The following CDC14A variants were observed in gnomAD, a reference collection of about 807,000 sequenced individuals.
The protein encoded by CDC14A is dual specificity protein phosphatase CDC14A.
Under a neutral mutation model 74.4 loss-of-function variants are expected in CDC14A, and 53 were observed. The ratio of observed to expected loss-of-function variants is 0.71; its 90% CI spans 0.57 to 0.89. CDC14A has a LOEUF of 0.89. CDC14A is among the 40% of genes least tolerant of loss of function. The pLI is 0.00. For synonymous variants in CDC14A, 247 were observed against 258.4 expected (o/e 0.96, Z 0.43); for missense variants, 646 against 713.7 (o/e 0.91, Z 1.08).
At chr1:100,429,539 C>A (rs1236747729) in intron 5 of CDC14A, among the ~76,000 whole-genome samples, 1 of 151,478 alleles carries the variant, frequency 6.6e-6, no homozygotes, top group African/African-American at 2.4e-5. Context: ...TAAAAAACTA[C>A]TGATCCCTAG....
chr1:100,484,130 A>C (rs1472497984), intron 10 of CDC14A, among the ~76,000 whole-genome samples, 162 bp from the exon 11 acceptor site: 2 of 152,106 alleles, frequency 1.3e-5, no homozygotes, highest in Non-Finnish European at 2.9e-5. Flanking sequence ...AAGTGACTTC[A>C]TTGTTCTTTA....
chr1:100,456,524 G>C (rs890756517), intron 8 of CDC14A, among the ~76,000 whole-genome samples: 3 of 150,536 alleles, frequency 2.0e-5, no homozygotes, highest in South Asian at 2.1e-4. Context: ...TTATTCTTCA[G>C]CTGGGCATGG....
At chr1:100,404,451 T>G (rs944861463) in intron 4 of CDC14A, among the ~76,000 whole-genome samples, 1 of 152,196 alleles carries the variant, frequency 6.6e-6, no homozygotes, top group African/African-American at 2.4e-5. Context: ...GGGCTTTGAA[T>G]TTTCATTATG....
Position 100,499,162 on chromosome 1 carries a change from G to A in CDC14A, c.1655G>A (p.Gly552Asp), listed in dbSNP as rs138365815. The A allele has an allele frequency of 4.3e-6, 7 of 1,614,076 alleles. No homozygotes were observed. Among genetic ancestry groups the A allele is most frequent in the East Asian group, 2.2e-5 (1 of 44,884 alleles). The change falls in exon 15 of 16, where the codon GGC (glycine) becomes GAC (aspartate). Residue 552 changes from glycine (G) to aspartate (D), a missense_variant. Transcript: ENST00000336454. ...SNGGNLNSPP[G>D]PHSAKTEEHT... is the part of the protein sequence containing the mutation. Reference sequence around the variant, plus strand: ...GGGGGCAACCTGAACAGCCCCCCAGGCCCCCACAGCGCCAAGACAGAGGAG... The same window carrying A: ...GGGGGCAACCTGAACAGCCCCCCAGACCCCCACAGCGCCAAGACAGAGGAG...
chr1:100,446,648 A>AT (rs57522935), intron 7 of CDC14A, among the ~76,000 whole-genome samples: 2 of 152,064 alleles, frequency 1.3e-5, no homozygotes, highest in Admixed American at 6.6e-5. Flanking sequence ...TGTATTTTGC[A>AT]TTTTTTTTTG....
intron 4 of CDC14A, chr1:100,393,256 T>C (rs1657958686): frequency 1.4e-6 from 2 of 1,445,502 alleles, no homozygotes; most frequent in Non-Finnish European, 1.9e-6. Flanking sequence ...TGAAGTTCTT[T>C]CTGTGCATGT....
At chr1:100,379,723 C>T (rs537355798) in intron 3 of CDC14A, among the ~76,000 whole-genome samples, 7 of 152,316 alleles carry the variant, frequency 4.6e-5, no homozygotes, top group African/African-American at 1.7e-4. Context: ...TTATATAGCT[C>T]ATGGTTCCAC....
At position 100,445,851 on chromosome 1, in the gene CDC14A, A is replaced by G. The variant is rs189727342; in HGVS notation, c.519+2855A>G. Among the ~76,000 whole-genome samples the G allele has an allele frequency of 1.2e-3, 189 of 152,330 alleles. 1 individual carries two copies. Among genetic ancestry groups the G allele is most frequent in the Non-Finnish European group, 2.2e-3 (153 of 68,024 alleles). On this transcript the variant is annotated intron_variant, in intron 7 of 15. Coordinates refer to ENST00000336454, the MANE Select transcript of CDC14A (RefSeq NM_003672.4). The stretch of plus-strand genomic sequence containing the variant: ...GTCAAACAACTTCTTTTTTTTGAGA[A>G]TGATTTATCTGTTCTATTATAAAGC...
chr1:100,495,942 T>C, intron 12 of CDC14A, 60 bp from the exon 13 acceptor site: 2 of 1,367,338 alleles, frequency 1.5e-6, no homozygotes, highest in South Asian at 2.3e-5. Context: ...ATGTGCCTTG[T>C]GGTCTTTGTG....
chr1:100,430,615 A>C (rs2101097829), intron 5 of CDC14A, among the ~76,000 whole-genome samples: 1 of 152,350 alleles, frequency 6.6e-6, no homozygotes, highest in South Asian at 2.1e-4. Flanking sequence ...ACTTGGCATC[A>C]GGCTGCCTTC....
intron 2 of CDC14A, among the ~76,000 whole-genome samples, chr1:100,377,330 G>T (rs985632522): frequency 6.6e-6 from 1 of 152,102 alleles, no homozygotes; most frequent in African/African-American, 2.4e-5. Flanking sequence ...ATAAGCCACC[G>T]CGCCCGGCCA....
At chr1:100,423,184 GC>G (rs896649433) in intron 4 of CDC14A, among the ~76,000 whole-genome samples, 2 of 151,946 alleles carry the variant, frequency 1.3e-5, no homozygotes, top group African/African-American at 4.8e-5. Flanking sequence ...GCTTTCTCCC[GC>G]CCCCTGTCCT....
At chr1:100,497,749 T>G (rs955125082) in intron 13 of CDC14A, among the ~76,000 whole-genome samples, 17 of 152,218 alleles carry the variant, frequency 1.1e-4, no homozygotes, top group African/African-American at 4.1e-4. Flanking sequence ...CTTTGACTCC[T>G]GGGTTTGAAT....
At chr1:100,463,845 G>C (rs765115282) in intron 9 of CDC14A, among the ~76,000 whole-genome samples, 1 of 152,104 alleles carries the variant, frequency 6.6e-6, no homozygotes, top group African/African-American at 2.4e-5. Flanking sequence ...AATCACTAGG[G>C]CCGCCCTGGG....
chr1:100,494,636 T>A (rs866696557), intron 11 of CDC14A, among the ~76,000 whole-genome samples, 182 bp from the exon 12 acceptor site: 25 of 152,234 alleles, frequency 1.6e-4, no homozygotes, highest in African/African-American at 5.5e-4. Flanking sequence ...TGTTGCCTGT[T>A]GAACTGGCAA....
chr1:100,412,196 A>T (rs746265781), intron 4 of CDC14A, among the ~76,000 whole-genome samples: 3 of 152,152 alleles, frequency 2.0e-5, no homozygotes, highest in Non-Finnish European at 4.4e-5. Flanking sequence ...TTAGAATGTC[A>T]CTTGAAGCTC....
chr1:100,500,226 G>A (rs377266766), intron 15 of CDC14A, among the ~76,000 whole-genome samples: 1 of 152,106 alleles, frequency 6.6e-6, no homozygotes, highest in Non-Finnish European at 1.5e-5. Context: ...AACACTGATC[G>A]TACTCAGGGC....
intron 14 of CDC14A, 67 bp downstream of exon 14, chr1:100,498,274 T>C: frequency 6.4e-7 from 1 of 1,554,602 alleles, no homozygotes; most frequent in Non-Finnish European, 8.8e-7. Flanking sequence ...AGGCGATGAG[T>C]TTAGCTGCAG....
intron 10 of CDC14A, among the ~76,000 whole-genome samples, chr1:100,472,487 TTGTC>T (rs1046225529): frequency 2.0e-4 from 31 of 152,282 alleles, no homozygotes; most frequent in African/African-American, 6.7e-4. Flanking sequence ...TACTAGTCCT[TTGTC>T]TGGTAAATGT....
Sources: gnomAD v4.1 joint callset for allele counts (sites outside exome capture counted in the v4.1 genomes callset) on GRCh38, gnomAD v4.1.1 for gene constraint, MANE v1.5 for transcripts, NCBI Gene and HGNC (gene_info 2026-07-23, HGNC 2026-07-21) for gene names.